The following SELENOW variants were observed in gnomAD, a reference collection of about 807,000 sequenced individuals.
The protein encoded by SELENOW is selenoprotein W, 1.
A neutral mutation model predicts 16.6 loss-of-function variants in SELENOW; 20 were observed. That is an observed-to-expected ratio of 1.21 (90% CI 0.85 to 1.76). SELENOW has a LOEUF of 1.76. Among genes scored for constraint, SELENOW ranks in the 40% most tolerant of loss-of-function variants. The pLI is 0.00. For synonymous variants in SELENOW, 44 were observed against 46.2 expected, an observed-to-expected ratio of 0.95 and a Z score of 0.19; for missense variants, 124 against 111.0, an observed-to-expected ratio of 1.12 and a Z score of -0.53.
intron 5 of SELENOW, chr19:47,783,491 C>G (rs1362780138): frequency 7.2e-5 from 11 of 152,404 alleles, no homozygotes; most frequent in Non-Finnish European, 1.6e-4. Flanking sequence ...GCGTGAGCCA[C>G]TGCGCCTGGC....
At chr19:47,781,428 C>T in intron 5 of SELENOW, 40 bp downstream of exon 5, 1 of 1,107,060 alleles carries the variant, frequency 9.0e-7, no homozygotes, top group Non-Finnish European at 1.3e-6. Context: ...CCCTTTGGAT[C>T]TTCTCCCTGC....
chr19:47,778,756 G>C lies in SELENOW; in HGVS notation c.-30G>C. Reference sequence around the variant, plus strand: ...GGAGGTTAGTGTGGCCCGGGCGTCCGCTCCTCAGCGGATGTGGCAGCCCCG... The same window carrying C: ...GGAGGTTAGTGTGGCCCGGGCGTCCCCTCCTCAGCGGATGTGGCAGCCCCG... On this transcript the variant is annotated 5_prime_UTR_variant, in exon 1 of 6. Coordinates refer to ENST00000601048, the MANE Select transcript of SELENOW (RefSeq NM_003009.4). 6.3e-7 allele frequency: 1 copy of C among 1,597,114 alleles called. No homozygotes were observed.
Position 47,781,306 on chromosome 19 carries a change from T to G in SELENOW, c.200T>G (p.Val67Gly). Residue 67 changes from valine to glycine, a missense_variant, in exon 5 of 6, where the codon GTG (valine) becomes GGG (glycine). Transcript: ENST00000601048. ...IHSKKKGDGYVDTESKFLKLV... is the reference protein window; with the variant it reads ...IHSKKKGDGYGDTESKFLKLV... ...CCTCCCTAGAAAGGCGATGGCTACG[T>G]GGACACAGAAAGCAAGTTTCTGAAG... 1.2e-6 allele frequency: 2 copies of G among 1,613,592 alleles called. No homozygotes were observed. Among genetic ancestry groups the G allele is most frequent in the Non-Finnish European group, 1.7e-6 (2 of 1,179,646 alleles).
chr19:47,781,787 C>CA (rs781678130), intron 5 of SELENOW, among the ~76,000 whole-genome samples: 13 of 148,528 alleles, frequency 8.8e-5, no homozygotes, highest in Non-Finnish European at 1.6e-4. Context: ...GCTGATGAGT[C>CA]AGAGGTGTGC....
intron 1 of SELENOW, 140 bp downstream of exon 1, chr19:47,778,954 G>A: frequency 1.3e-6 from 1 of 773,488 alleles, no homozygotes; most frequent in Non-Finnish European, 2.0e-6. Flanking sequence ...GGGTGGGGTG[G>A]GCGTACGGAG....
At chr19:47,782,548 CT>C (rs3837957) in intron 5 of SELENOW, 3 of 149,288 alleles carry the variant, frequency 2.0e-5, no homozygotes, top group African/African-American at 2.5e-5. Context: ...TTCTTTCTTT[CT>C]TTTTTTTTTG....
chr19:47,780,379 T>C, intron 1 of SELENOW: 1 of 414,938 alleles, frequency 2.4e-6, no homozygotes, highest in Non-Finnish European at 4.5e-6. Context: ...CCAGTTCTCC[T>C]GGTTTTCCCC....
intron 1 of SELENOW, chr19:47,780,464 G>T: frequency 3.7e-6 from 2 of 541,532 alleles, no homozygotes; most frequent in Non-Finnish European, 6.7e-6. Flanking sequence ...TCTGTCTCTT[G>T]CTTGGTGTTG....
At chr19:47,783,073 CT>C (rs2123698759) in intron 5 of SELENOW, 1 of 152,416 alleles carries the variant, frequency 6.6e-6, no homozygotes, top group East Asian at 1.9e-4. Context: ...GAGTCTCGCT[CT>C]GTCGCCCAGG....
intron 1 of SELENOW, chr19:47,779,582 C>T (rs956608210): frequency 6.6e-6 from 1 of 152,484 alleles, no homozygotes; most frequent in Non-Finnish European, 1.5e-5. Flanking sequence ...GCGGGTGGAT[C>T]GCTTGAGCCC....
In SELENOW at chr19:47,780,855, C is replaced by CTTCA. The variant is rs1967465701; in HGVS notation, c.55-9_55-8insTTCA. 6 of 1,612,494 alleles carry CTTCA rather than the reference C, an allele frequency of 3.7e-6. No homozygotes were observed. The highest frequency in any genetic ancestry group is 1.3e-5 in the African/African-American group (1 of 74,738). On this transcript the variant is annotated splice_polypyrimidine_tract_variant and intron_variant, in intron 2 of 5. Coordinates refer to ENST00000601048, the MANE Select transcript of SELENOW (RefSeq NM_003009.4). Reference sequence around the variant, plus strand: ...TGACCCCTGCTGTGACCTCTCACCGCGTTTTCAGTATCTTCAGCTCAAGAA... The same window carrying CTTCA: ...TGACCCCTGCTGTGACCTCTCACCGCTTCAGTTTTCAGTATCTTCAGCTCAAGAA...
At chr19:47,780,016 A>G (rs889032945) in intron 1 of SELENOW, 55 of 375,060 alleles carry the variant, frequency 1.5e-4, no homozygotes, top group South Asian at 4.4e-4. Flanking sequence ...TGAGACGCCT[A>G]CCAGGCCTGT....
In SELENOW at chr19:47,778,807, G is replaced by A. The variant is rs1967437174; in HGVS notation, c.22G>A (p.Val8Ile). MALAVRV[V>I]YCGAUGYKSK... is the part of the protein sequence containing the mutation. ...AGCCATGGCTCTCGCCGTCCGAGTC[G>A]TTTATTGGTAAGCCCAGCGGCCAGC... is the stretch of plus-strand genomic sequence containing the variant. Residue 8 changes from valine to isoleucine, a missense_variant, in exon 1 of 6, where the codon GTT becomes ATT. By Grantham distance (29) the Val-to-Ile change is conservative (BLOSUM62 3). Coordinates refer to ENST00000601048, the MANE Select transcript of SELENOW (RefSeq NM_003009.4). 6 of 1,602,550 alleles carry A rather than the reference G, an allele frequency of 3.7e-6. No individual in the cohort carries two copies. Among genetic ancestry groups the A allele is most frequent in the Non-Finnish European group, 5.1e-6 (6 of 1,175,928 alleles).
chr19:47,781,044 G>A (rs754235783), intron 3 of SELENOW, 64 bp from the exon 4 acceptor site: 31 of 1,567,098 alleles, frequency 2.0e-5, no homozygotes, highest in Admixed American at 1.2e-4. Flanking sequence ...CCCCTGGGAA[G>A]GGGAGGGTCT....
chr19:47,783,621 C>G (rs1425443125), intron 5 of SELENOW: 1 of 152,188 alleles, frequency 6.6e-6, no homozygotes, highest in South Asian at 2.1e-4. Flanking sequence ...TGCCTTGTGC[C>G]AGAAAACTAG....
intron 5 of SELENOW, chr19:47,782,243 C>A (rs991660066): frequency 6.6e-6 from 1 of 152,334 alleles, no homozygotes; most frequent in African/African-American, 2.4e-5. Context: ...AGGAATATTC[C>A]AGACCTGATC....
At chr19:47,780,084 A>T (rs1967454570) in intron 1 of SELENOW, 1 of 454,950 alleles carries the variant, frequency 2.2e-6, no homozygotes, top group Non-Finnish European at 4.4e-6. Context: ...CCTGTATTTC[A>T]CCCTGGGGAC....
chr19:47,780,605 T>A, intron 1 of SELENOW, 120 bp from the exon 2 acceptor site: 1 of 797,444 alleles, frequency 1.3e-6, no homozygotes, highest in Non-Finnish European at 2.1e-6. Context: ...GTGTTCCTCT[T>A]TATTTCTTCC....
chr19:47,781,342 C>T lies in SELENOW; in HGVS notation c.236C>T (p.Ala79Val). Residue 79 changes from alanine (A) to valine (V), a missense_variant, in exon 5 of 6, where the codon GCC becomes GTC. Coordinates refer to ENST00000601048, the MANE Select transcript of SELENOW (RefSeq NM_003009.4). ...AGCAAGTTTCTGAAGTTGGTGGCCGCCATCAAAGCCGCCTTGGCTCAGGGC... is the reference window on the plus strand; with the variant it reads ...AGCAAGTTTCTGAAGTTGGTGGCCGTCATCAAAGCCGCCTTGGCTCAGGGC... Reference protein sequence around the residue: ...TESKFLKLVAAIKAALAQG With the variant: ...TESKFLKLVAVIKAALAQG 1 of 1,609,156 alleles carries T rather than the reference C, an allele frequency of 6.2e-7. No individual in the cohort carries two copies. Among genetic ancestry groups the T allele is most frequent in the Non-Finnish European group, 8.5e-7 (1 of 1,177,534 alleles).
Sources: gnomAD v4.1 joint callset for allele counts (sites outside exome capture counted in the v4.1 genomes callset) on GRCh38, gnomAD v4.1.1 for gene constraint, MANE v1.5 for transcripts, NCBI Gene and HGNC (gene_info 2026-07-23, HGNC 2026-07-21) for gene names.